The following GRID2 variants were observed in gnomAD, a reference collection of about 807,000 sequenced individuals.
GRID2 encodes the protein glutamate receptor ionotropic, delta-2.
GRID2 carries 33 observed loss-of-function variants against 114.8 expected under a neutral mutation model. That is an observed-to-expected ratio of 0.29 (90% CI 0.22 to 0.38). The LOEUF is 0.38. GRID2 is among the 10% of genes least tolerant of loss of function. The pLI, the probability that GRID2 is intolerant of heterozygous loss-of-function variation, is 1.00. For synonymous variants in GRID2, 505 were observed against 449.9 expected (o/e 1.12, Z -1.55); for missense variants, 1,184 against 1,257.7 (o/e 0.94, Z 0.89).
chr4:93,717,819 G>C (rs1477178412), intron 14 of GRID2, among the ~76,000 whole-genome samples: 1 of 152,160 alleles, frequency 6.6e-6, no homozygotes, highest in Non-Finnish European at 1.5e-5. Context: ...ATAGGCAGTT[G>C]AAGGGTTAAA....
At chr4:93,489,041 C>A (rs141163451) in intron 11 of GRID2, among the ~76,000 whole-genome samples, 1 of 151,900 alleles carries the variant, frequency 6.6e-6, no homozygotes, top group African/African-American at 2.4e-5. Context: ...AAAACATTAC[C>A]CACTTAATAT....
intron 14 of GRID2, among the ~76,000 whole-genome samples, chr4:93,763,190 G>C (rs1259132810): frequency 6.6e-6 from 1 of 152,084 alleles, no homozygotes; most frequent in Non-Finnish European, 1.5e-5. Context: ...GGGATATAAT[G>C]CTGTCCTCCA....
intron 14 of GRID2, among the ~76,000 whole-genome samples, chr4:93,635,077 C>T (rs1036521132): frequency 4.6e-5 from 7 of 152,002 alleles, no homozygotes; most frequent in African/African-American, 1.7e-4. Context: ...AACCATACAA[C>T]CTACAGATTT....
At position 93,108,875 on chromosome 4, in the gene GRID2, C is replaced by T. The variant is rs563197902; in HGVS notation, c.530-1873C>T. 1.6e-4 allele frequency among the ~76,000 whole-genome samples: 24 copies of T among 152,152 alleles called. No homozygotes were observed. The East Asian group carries it at 4.5e-3, about 28-fold the overall frequency. On this transcript the variant is annotated intron_variant, in intron 3 of 15. Coordinates refer to ENST00000282020, the MANE Select transcript of GRID2 (RefSeq NM_001510.4). ...CAAGCTCCTGACCTCATGATCTGCC[C>T]CCCTCGGTCTCCCAAAGTCCTGGGA...
intron 13 of GRID2, among the ~76,000 whole-genome samples, chr4:93,588,737 C>T (rs1341931212): frequency 2.0e-5 from 3 of 152,146 alleles, no homozygotes; most frequent in Non-Finnish European, 4.4e-5. Flanking sequence ...CAGTACTGGT[C>T]CCCTGAAGGC....
At chr4:93,002,134 T>C (rs979276275) in intron 2 of GRID2, among the ~76,000 whole-genome samples, 4 of 151,762 alleles carry the variant, frequency 2.6e-5, no homozygotes, top group African/African-American at 9.7e-5. Context: ...TACATTCACA[T>C]AGTATGGAAG....
intron 2 of GRID2, among the ~76,000 whole-genome samples, chr4:92,824,357 T>TC (rs1484396043): frequency 1.3e-5 from 2 of 152,098 alleles, no homozygotes; most frequent in African/African-American, 4.8e-5. Flanking sequence ...ATGATTTTTT[T>TC]CCCCATTTCT....
chr4:93,760,880 A>G (rs1443228347), intron 14 of GRID2, among the ~76,000 whole-genome samples: 1 of 152,116 alleles, frequency 6.6e-6, no homozygotes, highest in Non-Finnish European at 1.5e-5. Flanking sequence ...CTTCAGGCTC[A>G]AGCTCCCATT....
intron 1 of GRID2, among the ~76,000 whole-genome samples, chr4:93,791,518 C>CA (rs34033024): frequency 1.4e-4 from 21 of 148,752 alleles, no homozygotes; most frequent in Middle Eastern, 3.4e-3. Flanking sequence ...ATTTGTTGTC[C>CA]AAAAAAAAAG....
At chr4:92,952,492 T>C (rs931227130) in intron 2 of GRID2, among the ~76,000 whole-genome samples, 3 of 152,212 alleles carry the variant, frequency 2.0e-5, no homozygotes, top group Non-Finnish European at 4.4e-5. Context: ...AAATATTTCA[T>C]ATTTTGTGCT....
At chr4:92,793,839 T>C (rs1459714161) in intron 2 of GRID2, among the ~76,000 whole-genome samples, 2 of 151,846 alleles carry the variant, frequency 1.3e-5, no homozygotes, top group Non-Finnish European at 2.9e-5. Flanking sequence ...AAGTCTTCAT[T>C]AAAATGTTGC....
chr4:92,337,869 GCAC>G (rs1360395097), intron 1 of GRID2, among the ~76,000 whole-genome samples: 12 of 152,274 alleles, frequency 7.9e-5, no homozygotes, highest in Admixed American at 6.5e-4. Flanking sequence ...AGTGAAAATA[GCAC>G]CACAGTAGTT....
intron 2 of GRID2, among the ~76,000 whole-genome samples, chr4:92,951,234 T>G (rs531033863): frequency 6.6e-6 from 1 of 152,106 alleles, no homozygotes; most frequent in Non-Finnish European, 1.5e-5. Context: ...AGCCTTAAGT[T>G]TTCTACTTAT....
At chr4:92,411,655 G>GTATATATATATATATA (rs70940887) in intron 1 of GRID2, among the ~76,000 whole-genome samples, 156 of 84,674 alleles carry the variant, frequency 1.8e-3, no homozygotes, top group East Asian at 5.4e-3. Flanking sequence ...GTGTGTGTGT[G>GTATATATATATATATA]TATATATATA....
chr4:92,808,526 T>C (rs1740522073), intron 2 of GRID2, among the ~76,000 whole-genome samples: 1 of 152,092 alleles, frequency 6.6e-6, no homozygotes, highest in South Asian at 2.1e-4. Flanking sequence ...GGAAGTGATT[T>C]AATTAGAAAA....
chr4:93,592,317 C>A (rs1341806356), intron 13 of GRID2, among the ~76,000 whole-genome samples: 1 of 152,096 alleles, frequency 6.6e-6, no homozygotes, highest in Non-Finnish European at 1.5e-5. Flanking sequence ...GTTATGTACC[C>A]AGTAGTCATT....
intron 2 of GRID2, among the ~76,000 whole-genome samples, chr4:92,813,489 C>A (rs1740746836): frequency 6.6e-6 from 1 of 152,082 alleles, no homozygotes; most frequent in African/African-American, 2.4e-5. Context: ...GATATACAAA[C>A]ATTCAATTCA....
chr4:93,516,173 G>A (rs186532944), intron 13 of GRID2, among the ~76,000 whole-genome samples: 83 of 152,212 alleles, frequency 5.5e-4, no homozygotes, highest in Non-Finnish European at 4.4e-5. Context: ...GTCAGTAATA[G>A]CAGCAATAGT....
At chr4:92,534,986 TA>T (rs1465250632) in intron 1 of GRID2, among the ~76,000 whole-genome samples, 1 of 152,154 alleles carries the variant, frequency 6.6e-6, no homozygotes, top group East Asian at 1.9e-4. Context: ...TTAATTATTT[TA>T]GGAGCAAATA....
Sources: gnomAD v4.1 joint callset for allele counts (sites outside exome capture counted in the v4.1 genomes callset) on GRCh38, gnomAD v4.1.1 for gene constraint, MANE v1.5 for transcripts, NCBI Gene and HGNC (gene_info 2026-07-23, HGNC 2026-07-21) for gene names.